CYP4Z1: variants seen among roughly 807,000 people sequenced by gnomAD.
CYP4Z1 encodes the protein cytochrome P450 family 4 subfamily Z member 1.
A neutral mutation model predicts 54.2 loss-of-function variants in CYP4Z1; 41 were observed. The ratio of observed to expected loss-of-function variants is 0.76; its 90% CI spans 0.59 to 0.98. The LOEUF (loss-of-function observed/expected upper bound fraction) is 0.98. Ranked by LOEUF, CYP4Z1 falls within the 50% of genes least tolerant of loss-of-function variation. The pLI is 0.00. For synonymous variants in CYP4Z1, 163 were observed against 206.2 expected (o/e 0.79, Z 1.79); for missense variants, 513 against 599.0 (o/e 0.86, Z 1.50).
intron 8 of CYP4Z1, among the ~76,000 whole-genome samples, chr1:47,102,456 T>C (rs943893560): frequency 3.3e-5 from 5 of 152,204 alleles, no homozygotes; most frequent in African/African-American, 7.2e-5. Flanking sequence ...GTATTTTCAT[T>C]ATGGCAGTTA....
At chr1:47,090,631 G>T (rs1267154834) in intron 6 of CYP4Z1, among the ~76,000 whole-genome samples, 1 of 152,202 alleles carries the variant, frequency 6.6e-6, no homozygotes, top group African/African-American at 2.4e-5. Flanking sequence ...GTAGGAGAGG[G>T]ACTGAGTAAG....
chr1:47,114,976 G>T (rs562771481), intron 9 of CYP4Z1, among the ~76,000 whole-genome samples: 1 of 152,206 alleles, frequency 6.6e-6, no homozygotes, highest in Non-Finnish European at 1.5e-5. Context: ...AAATCGTGCC[G>T]CTATAAAGAC....
chr1:47,113,289 C>A (rs1440125251), intron 9 of CYP4Z1, among the ~76,000 whole-genome samples: 2 of 152,158 alleles, frequency 1.3e-5, no homozygotes, highest in East Asian at 1.9e-4. Flanking sequence ...TTTTCCCCTA[C>A]CGATTTCATT....
In CYP4Z1 at chr1:47,068,625, T is replaced by C; in HGVS notation, c.181T>C (p.Tyr61His). 6.2e-7 allele frequency: 1 copy of C among 1,614,022 alleles called. No individual in the cohort carries two copies. Among genetic ancestry groups the C allele is most frequent in the Non-Finnish European group, 8.5e-7 (1 of 1,179,928 alleles). Residue 61 changes from tyrosine (Y) to histidine (H), a missense_variant, in exon 2 of 12, where the codon TAC (tyrosine) becomes CAC (histidine). By Grantham distance (83) the Tyr-to-His change is moderately conservative (BLOSUM62 2). Transcript: ENST00000334194. ...AHWFYGHKEF[Y>H]PVKEFEVYHK... Reference sequence around the variant, plus strand: ...GTCATGACTTATCTTATGACAGTTTTACCCAGTAAAGGAGTTTGAGGTGTA... The same window carrying C: ...GTCATGACTTATCTTATGACAGTTTCACCCAGTAAAGGAGTTTGAGGTGTA...
At chr1:47,108,162 C>G (rs28723590) in intron 9 of CYP4Z1, among the ~76,000 whole-genome samples, 71,699 of 149,506 alleles carry the variant, frequency 0.48, 15,389 homozygotes, top group East Asian at 0.96. Flanking sequence ...GCCTTCACTG[C>G]ACCTCACGTG....
At chr1:47,075,598 CTAG>C (rs1644514709) in intron 2 of CYP4Z1, 3 of 128,132 alleles carry the variant, frequency 2.3e-5, no homozygotes, top group Non-Finnish European at 4.6e-5. Context: ...GACCTGTGCA[CTAG>C]TCAACCAGCT....
chr1:47,116,714 C>T lies in CYP4Z1; in HGVS notation c.1331C>T (p.Pro444Leu), dbSNP rs762583234. ...AAAATACATCCCTATGCCTTCATAC[C>T]ATTCTCAGCTGGATTAAGGTAAAGA... ...SEKIHPYAFIPFSAGLRNCIG... is the reference protein window; with the variant it reads ...SEKIHPYAFILFSAGLRNCIG... The change falls in exon 11 of 12, where the codon CCA (proline) becomes CTA (leucine). Residue 444 changes from proline (P) to leucine (L), a missense_variant. Pro to Leu is a moderately conservative substitution (Grantham distance 98). Transcript: ENST00000334194. 1.4e-5 allele frequency: 23 copies of T among 1,609,802 alleles called. No individual in the cohort carries two copies. In the Admixed American group the frequency reaches 3.8e-4, roughly 27 times the overall value.
chr1:47,117,688 T>C (rs964767535), intron 11 of CYP4Z1, 78 bp from the exon 12 acceptor site: 1 of 1,455,334 alleles, frequency 6.9e-7, no homozygotes, highest in African/African-American at 1.4e-5. Flanking sequence ...AAAGTCGTCA[T>C]ATATAAAAAG....
At chr1:47,068,786 A>C (rs775400810) in intron 2 of CYP4Z1, 23 bp downstream of exon 2, 1 of 1,610,472 alleles carries the variant, frequency 6.2e-7, no homozygotes, top group Non-Finnish European at 8.5e-7. Context: ...AGGGGCTCAC[A>C]GTACAGAGCA....
intron 7 of CYP4Z1, chr1:47,097,317 G>C (rs1009072714): frequency 6.6e-6 from 1 of 152,044 alleles, no homozygotes; most frequent in African/African-American, 2.4e-5. Flanking sequence ...TATTCCTTTG[G>C]GTATATACCC....
chr1:47,060,125 A>G, the CYP4Z1 span, among the ~76,000 whole-genome samples: 53 of 152,362 alleles, frequency 3.5e-4, no homozygotes, highest in South Asian at 6.2e-4. Context: ...AATATTTGTT[A>G]GACAAATTCA....
intron 8 of CYP4Z1, among the ~76,000 whole-genome samples, chr1:47,105,833 G>A (rs543338303): frequency 6.6e-6 from 1 of 152,102 alleles, no homozygotes; most frequent in African/African-American, 2.4e-5. Context: ...TACAGTCCAT[G>A]TCTCTACCAA....
intron 6 of CYP4Z1, among the ~76,000 whole-genome samples, chr1:47,093,330 C>G (rs1182663918): frequency 1.3e-5 from 2 of 151,782 alleles, no homozygotes; most frequent in Non-Finnish European, 2.9e-5. Flanking sequence ...AATATGCCAC[C>G]TATGGTCGAA....
At chr1:47,105,959 T>TTC (rs1644753986) in intron 8 of CYP4Z1, among the ~76,000 whole-genome samples, 169 bp from the exon 9 acceptor site, 2 of 152,112 alleles carry the variant, frequency 1.3e-5, no homozygotes, top group African/African-American at 4.8e-5. Context: ...TGAAAAGTGG[T>TTC]AAGTGTTAAC....
At chr1:47,058,349 G>T in the CYP4Z1 span, among the ~76,000 whole-genome samples, 1 of 152,122 alleles carries the variant, frequency 6.6e-6, no homozygotes, top group Non-Finnish European at 1.5e-5. Flanking sequence ...TAGTTTGCTG[G>T]TATGATTCCA....
intron 1 of CYP4Z1, among the ~76,000 whole-genome samples, chr1:47,068,296 A>G (rs935931039): frequency 1.3e-5 from 2 of 152,190 alleles, no homozygotes; most frequent in African/African-American, 4.8e-5. Flanking sequence ...TGGTCTTCCT[A>G]TTATACACGT....
At chr1:47,104,105 A>G (rs1644739998) in intron 8 of CYP4Z1, among the ~76,000 whole-genome samples, 1 of 152,028 alleles carries the variant, frequency 6.6e-6, no homozygotes, top group Admixed American at 6.6e-5. Context: ...ATTTGCTTTC[A>G]TAGGGGAGGA....
At chr1:47,062,093 T>G in the CYP4Z1 span, among the ~76,000 whole-genome samples, 1 of 152,216 alleles carries the variant, frequency 6.6e-6, no homozygotes, top group Non-Finnish European at 1.5e-5. Context: ...GGGGAAAAGA[T>G]GGAAGCATTC....
At chr1:47,082,197 G>T in intron 3 of CYP4Z1, 137 bp from the exon 4 acceptor site, 6 of 1,094,058 alleles carry the variant, frequency 5.5e-6, no homozygotes, top group Non-Finnish European at 7.7e-6. Flanking sequence ...GTCTACTCCT[G>T]CTCATTCACT....
Sources: gnomAD v4.1 joint callset for allele counts (sites outside exome capture counted in the v4.1 genomes callset) on GRCh38, gnomAD v4.1.1 for gene constraint, MANE v1.5 for transcripts, NCBI Gene and HGNC (gene_info 2026-07-23, HGNC 2026-07-21) for gene names.